KCNQ1OT1: variants seen among roughly 807,000 people sequenced by gnomAD.
KCNQ1OT1 encodes KCNQ1 antisense RNA 2 (non-protein coding).
rs1390415924 is a variant in KCNQ1OT1 at position 2,674,621 on chromosome 11, A to G, written n.25374T>C. The G allele has an allele frequency of 5.0e-6, 2 of 398,526 alleles. No homozygotes were observed. Among genetic ancestry groups the G allele is most frequent in the Non-Finnish European group, 8.8e-6 (2 of 226,084 alleles). 24.7% of individuals were successfully genotyped at this position (398,526 alleles called of 1,614,324 possible). A position where few individuals can be genotyped will look rare whatever the true frequency, so the allele number is the denominator to read the frequency against. ...ATAGGCTCTGGCTTAAAACAGTCAC[A>G]GCGAAACATGCCTTTGAATTGGAAA... On this transcript the variant is annotated non_coding_transcript_exon_variant, in exon 1 of 1. Transcript: ENST00000597346. The surrounding 1 kb of genome is among the most constrained non-coding windows in gnomAD (Gnocchi z 5.9).
exon 1 of KCNQ1OT1, chr11:2,646,268 A>G (rs545432827): frequency 7.5e-6 from 3 of 398,444 alleles, no homozygotes; most frequent in Non-Finnish European, 1.3e-5. Context: ...CTGGATAGGG[A>G]TTTCATAGCA....
chr11:2,684,906 G>C, exon 1 of KCNQ1OT1: 1 of 398,688 alleles, frequency 2.5e-6, no homozygotes, highest in Non-Finnish European at 4.4e-6. Context: ...TCATAAGGTA[G>C]GTAAGTTTGT....
exon 1 of KCNQ1OT1, chr11:2,681,366 T>A: frequency 2.5e-6 from 1 of 398,438 alleles, no homozygotes; most frequent in East Asian, 3.6e-5. Context: ...GCTCACTCCA[T>A]GTGGAGGATG....
At chr11:2,662,397 A>G in exon 1 of KCNQ1OT1, 1 of 285,736 alleles carries the variant, frequency 3.5e-6, no homozygotes, top group Non-Finnish European at 6.5e-6. Flanking sequence ...CCTGCCCCCC[A>G]AAAAAGAGAC....
At chr11:2,685,835 T>G (rs1850479164) in exon 1 of KCNQ1OT1, 1 of 398,714 alleles carries the variant, frequency 2.5e-6, no homozygotes, top group Non-Finnish European at 4.4e-6. Context: ...CGAGGCTGTT[T>G]CCCAGGCTGC....
rs191728092 is a variant in KCNQ1OT1 at position 2,685,397 on chromosome 11, G to A, written n.14598C>T. The A allele has an allele frequency of 1.2e-3, 480 of 398,684 alleles. 1 individual carries two copies. The highest frequency in any genetic ancestry group is 9.1e-3 in the African/African-American group (444 of 48,762). 24.7% of individuals were successfully genotyped at this position (398,684 alleles called of 1,614,324 possible). Reference sequence around the variant, plus strand: ...TGGTACATGGGCAGGGGATAGATGTGTTTCCATGGGTCTCCTTCACATAGA... The same window carrying A: ...TGGTACATGGGCAGGGGATAGATGTATTTCCATGGGTCTCCTTCACATAGA... On this transcript the variant is annotated non_coding_transcript_exon_variant, in exon 1 of 1. Coordinates refer to ENST00000597346, the Ensembl canonical transcript of KCNQ1OT1.
exon 1 of KCNQ1OT1, chr11:2,655,670 A>G (rs1256988556): frequency 4.6e-5 from 18 of 395,258 alleles, no homozygotes; most frequent in Non-Finnish European, 7.5e-5. Flanking sequence ...GAAAGAGCTG[A>G]ATCCCCACCC....
In KCNQ1OT1 at chr11:2,612,797, G is replaced by T. The variant is rs1849002058; in HGVS notation, n.87198C>A. On this transcript the variant is annotated non_coding_transcript_exon_variant, in exon 1 of 1. Coordinates refer to ENST00000597346, the Ensembl canonical transcript of KCNQ1OT1. The surrounding 1 kb of genome is among the most constrained non-coding windows in gnomAD (Gnocchi z 5.5). ...AAGGGTCACAATTTTCTGTTTCTTTGCATATCTCATTTTTTTTGTTAAAAA... is the reference window on the plus strand; with the variant it reads ...AAGGGTCACAATTTTCTGTTTCTTTTCATATCTCATTTTTTTTGTTAAAAA... The T allele has an allele frequency of 2.5e-6, 1 of 398,232 alleles. No homozygotes were observed. Among genetic ancestry groups the T allele is most frequent in the Admixed American group, 4.4e-5 (1 of 22,688 alleles). The allele number at this position is 398,232 out of a possible 1,614,324, so 24.7% of individuals were successfully genotyped here.
chr11:2,645,316 C>T lies in KCNQ1OT1; in HGVS notation n.54679G>A. On this transcript the variant is annotated non_coding_transcript_exon_variant, in exon 1 of 1. Transcript: ENST00000597346. This position sits in a 1 kb window ranked among gnomAD's most constrained non-coding sequence, Gnocchi z 5.8. The stretch of plus-strand genomic sequence containing the variant: ...CAGGAGTGCTCAGGTGCCAACAATA[C>T]TGGATAGGGCAGGGTGATCCCTAGG... The T allele has an allele frequency of 2.5e-6, 1 of 398,676 alleles. No homozygotes were observed. The allele number at this position is 398,676 out of a possible 1,614,324, so 24.7% of individuals were successfully genotyped here.
rs777422756 is a variant in KCNQ1OT1, at chr11:2,683,818, C to T, written n.16177G>A. The T allele has an allele frequency of 2.0e-5, 8 of 398,576 alleles. No individual in the cohort carries two copies. The highest frequency in any genetic ancestry group is 6.2e-4 in the Middle Eastern group (1 of 1,610). 24.7% of individuals were successfully genotyped at this position (398,576 alleles called of 1,614,324 possible). A position where few individuals can be genotyped will look rare whatever the true frequency, so the allele number is the denominator to read the frequency against. ...CCCCAAAATCCCAGCCACTAGCTTG[C>T]AGAATGGCTTTGTTGGATTCCCCTC... On this transcript the variant is annotated non_coding_transcript_exon_variant, in exon 1 of 1. Transcript: ENST00000597346. The surrounding 1 kb of genome is among the most constrained non-coding windows in gnomAD (Gnocchi z 4.7).
chr11:2,640,372 A>G (rs1478569579), exon 1 of KCNQ1OT1: 1 of 398,448 alleles, frequency 2.5e-6, no homozygotes, highest in Non-Finnish European at 4.4e-6. Context: ...TGCAATCTTT[A>G]ACTCCCAGGC....
At position 2,611,167 on chromosome 11, in the gene KCNQ1OT1, A is replaced by G. The variant is rs1848974521; in HGVS notation, n.88828T>C. ...CTTTTGTCATTGTAAAATGCTTCTC[A>G]GTATCTCTAATAACATGGTTTGTTT... On this transcript the variant is annotated non_coding_transcript_exon_variant, in exon 1 of 1. Coordinates refer to ENST00000597346, the Ensembl canonical transcript of KCNQ1OT1. The surrounding 1 kb of genome is among the most constrained non-coding windows in gnomAD (Gnocchi z 5.3). 2 of 398,210 alleles carry G rather than the reference A, an allele frequency of 5.0e-6. No individual in the cohort carries two copies. The highest frequency in any genetic ancestry group is 4.1e-5 in the African/African-American group (2 of 48,536). 24.7% of individuals were successfully genotyped at this position (398,210 alleles called of 1,614,324 possible).
rs1317157902 is a variant in KCNQ1OT1, at chr11:2,623,766, A to T, written n.76229T>A. 1 of 398,380 alleles carries T rather than the reference A, an allele frequency of 2.5e-6. No individual in the cohort carries two copies. The highest frequency in any genetic ancestry group is 4.4e-6 in the Non-Finnish European group (1 of 226,038). The allele number at this position is 398,380 out of a possible 1,614,324, so 24.7% of individuals were successfully genotyped here. On this transcript the variant is annotated non_coding_transcript_exon_variant, in exon 1 of 1. Coordinates refer to ENST00000597346, the Ensembl canonical transcript of KCNQ1OT1. This position sits in a 1 kb window ranked among gnomAD's most constrained non-coding sequence, Gnocchi z 5.2. Reference sequence around the variant, plus strand: ...GATTTTTATGTGAATATAAGTCTTCACCTCCTTTGAGTAAATACCAAGGAT... The same window carrying T: ...GATTTTTATGTGAATATAAGTCTTCTCCTCCTTTGAGTAAATACCAAGGAT...
At position 2,645,034 on chromosome 11, in the gene KCNQ1OT1, G is replaced by A. The variant is rs965626646; in HGVS notation, n.54961C>T. The A allele has an allele frequency of 1.5e-5, 6 of 398,686 alleles. No individual in the cohort carries two copies. The highest frequency in any genetic ancestry group is 1.2e-4 in the African/African-American group (6 of 48,630). 24.7% of individuals were successfully genotyped at this position (398,686 alleles called of 1,614,324 possible). ...AGGGAAACCAATTTTGGGCCTCCAGGCAACTTGCTCAGGTGCCAATGATGA... is the reference window on the plus strand; with the variant it reads ...AGGGAAACCAATTTTGGGCCTCCAGACAACTTGCTCAGGTGCCAATGATGA... On this transcript the variant is annotated non_coding_transcript_exon_variant, in exon 1 of 1. Coordinates refer to ENST00000597346, the Ensembl canonical transcript of KCNQ1OT1. This position sits in a 1 kb window ranked among gnomAD's most constrained non-coding sequence, Gnocchi z 5.8.
exon 1 of KCNQ1OT1, chr11:2,662,582 C>G: frequency 2.4e-6 from 1 of 420,180 alleles, no homozygotes. Context: ...GCCTGGGATG[C>G]ATGCCCGTCC....
rs892696576 is a variant in KCNQ1OT1 at position 2,668,927 on chromosome 11, C to T, written n.31068G>A. Reference sequence around the variant, plus strand: ...TTATTCTAAAGCTTTATTAGCTCACCTTTCCCATGTAGATCTGCACTCCAT... The same window carrying T: ...TTATTCTAAAGCTTTATTAGCTCACTTTTCCCATGTAGATCTGCACTCCAT... On this transcript the variant is annotated non_coding_transcript_exon_variant, in exon 1 of 1. Coordinates refer to ENST00000597346, the Ensembl canonical transcript of KCNQ1OT1. The surrounding 1 kb of genome is among the most constrained non-coding windows in gnomAD (Gnocchi z 4.3). 2.5e-6 allele frequency: 1 copy of T among 398,490 alleles called. No individual in the cohort carries two copies. Among genetic ancestry groups the T allele is most frequent in the East Asian group, 3.6e-5 (1 of 28,092 alleles). 24.7% of individuals were successfully genotyped at this position (398,490 alleles called of 1,614,324 possible).
exon 1 of KCNQ1OT1, chr11:2,685,115 G>T (rs953337026): frequency 1.8e-5 from 7 of 398,534 alleles, no homozygotes; most frequent in African/African-American, 8.2e-5. Context: ...GGCACGGGGG[G>T]TCTGATGGTC....
At chr11:2,697,013 G>A (rs1850688616) in exon 1 of KCNQ1OT1, 1 of 398,102 alleles carries the variant, frequency 2.5e-6, no homozygotes, top group Non-Finnish European at 4.4e-6. Flanking sequence ...AGTGTAGTCT[G>A]GGGATTCCAG....
chr11:2,659,952 A>G lies in KCNQ1OT1; in HGVS notation n.40043T>C. On this transcript the variant is annotated non_coding_transcript_exon_variant, in exon 1 of 1. Transcript: ENST00000597346. This position sits in a 1 kb window ranked among gnomAD's most constrained non-coding sequence, Gnocchi z 4.3. ...ATTCTGAGTGCAAGTCCTTGACCTGATAGGTGATATGCAAATATTCTTTCC... is the reference window on the plus strand; with the variant it reads ...ATTCTGAGTGCAAGTCCTTGACCTGGTAGGTGATATGCAAATATTCTTTCC... 1 of 398,428 alleles carries G rather than the reference A, an allele frequency of 2.5e-6. No homozygotes were observed. 24.7% of individuals were successfully genotyped at this position (398,428 alleles called of 1,614,324 possible).
Sources: gnomAD v4.1 joint callset for allele counts on GRCh38, gnomAD v4.1.1 for gene constraint, Gnocchi (gnomAD v3.1) non-coding constraint, MANE v1.5 for transcripts, NCBI Gene and HGNC (gene_info 2026-07-23, HGNC 2026-07-21) for gene names.